FBXL20: variants seen among roughly 807,000 people sequenced by gnomAD.
FBXL20 encodes F-box and leucine rich repeat protein 20.
In FBXL20, 11 loss-of-function variants were observed where a neutral mutation model predicts 64.0. The observed-to-expected ratio is 0.17, with a 90% CI of 0.11 to 0.28. FBXL20 has a LOEUF of 0.28. Among genes scored for constraint, FBXL20 ranks in the 10% least tolerant of loss-of-function variants. FBXL20 has a pLI of 1.00. For synonymous variants in FBXL20, 184 were observed against 189.0 expected (o/e 0.97, Z 0.22); for missense variants, 303 against 526.2 (o/e 0.58, Z 4.15).
At chr17:39,390,460 C>T (rs2048123344) in intron 1 of FBXL20, among the ~76,000 whole-genome samples, 1 of 151,906 alleles carries the variant, frequency 6.6e-6, no homozygotes, top group Non-Finnish European at 1.5e-5. Context: ...ACTAGGGAGG[C>T]TGAGGCAGGA....
chr17:39,358,905 AGAC>A (rs1414496949), intron 1 of FBXL20, among the ~76,000 whole-genome samples: 1 of 152,238 alleles, frequency 6.6e-6, no homozygotes, highest in Non-Finnish European at 1.5e-5. Context: ...TTGAATATTC[AGAC>A]GTTTCACCAA....
chr17:39,299,037 T>C lies in FBXL20; in HGVS notation c.282A>G (p.Arg94=), dbSNP rs779043448. The change falls in exon 5 of 15, where the codon CGA becomes CGG. Residue 94 remains arginine (R), a synonymous_variant. Coordinates refer to ENST00000264658, the MANE Select transcript of FBXL20 (RefSeq NM_032875.3). ...CAAGACATCCACGAAGACTTAACTT[T>C]CGTAAAAAGCCCCCACATCGTTTTG... ...NISKRCGGFL[R]KLSLRGCLGV... The C allele has an allele frequency of 1.9e-6, 3 of 1,613,842 alleles. No homozygotes were observed. The highest frequency in any genetic ancestry group is 1.3e-5 in the African/African-American group (1 of 74,908).
chr17:39,349,706 G>A (rs921478133), intron 1 of FBXL20, among the ~76,000 whole-genome samples: 4 of 152,174 alleles, frequency 2.6e-5, no homozygotes, highest in African/African-American at 9.7e-5. Context: ...GGAGGCTGAG[G>A]CAGGCAGATC....
chr17:39,361,765 C>A (rs190410464), intron 1 of FBXL20, among the ~76,000 whole-genome samples: 1 of 151,600 alleles, frequency 6.6e-6, no homozygotes, highest in Non-Finnish European at 1.5e-5. Flanking sequence ...CCACTGCACT[C>A]CAGCCTTAGC....
chr17:39,370,166 T>A (rs1411698264), intron 1 of FBXL20, among the ~76,000 whole-genome samples: 1 of 150,888 alleles, frequency 6.6e-6, no homozygotes. Context: ...AATGTTTGCA[T>A]GTGTCCTTAA....
intron 2 of FBXL20, among the ~76,000 whole-genome samples, chr17:39,336,681 C>T (rs1382184236): frequency 6.6e-6 from 1 of 151,780 alleles, no homozygotes. Context: ...AAAATTAGCC[C>T]AGTGTGGTGG....
At chr17:39,390,299 G>A (rs1443849669) in intron 1 of FBXL20, among the ~76,000 whole-genome samples, 2 of 152,080 alleles carry the variant, frequency 1.3e-5, no homozygotes, top group African/African-American at 4.8e-5. Context: ...GCTCACACCT[G>A]TAATCAATCC....
At chr17:39,360,932 A>G (rs945148728) in intron 1 of FBXL20, among the ~76,000 whole-genome samples, 1 of 152,178 alleles carries the variant, frequency 6.6e-6, no homozygotes, top group Non-Finnish European at 1.5e-5. Context: ...TTAATACATG[A>G]CATGGGTCAT....
At chr17:39,286,034 G>A (rs2046985526) in intron 6 of FBXL20, among the ~76,000 whole-genome samples, 1 of 152,112 alleles carries the variant, frequency 6.6e-6, no homozygotes, top group African/African-American at 2.4e-5. Flanking sequence ...ATTTTTGCAA[G>A]GTATACAAAG....
At chr17:39,348,889 C>G (rs2047660374) in intron 1 of FBXL20, among the ~76,000 whole-genome samples, 1 of 152,048 alleles carries the variant, frequency 6.6e-6, no homozygotes, top group Non-Finnish European at 1.5e-5. Context: ...GAGATGGGGT[C>G]TCACTATGTT....
intron 2 of FBXL20, among the ~76,000 whole-genome samples, chr17:39,342,108 CCT>C (rs1285721735): frequency 6.6e-6 from 1 of 152,006 alleles, no homozygotes; most frequent in East Asian, 1.9e-4. Flanking sequence ...ATGTTATACC[CCT>C]GTCTGATCAT....
intron 2 of FBXL20, among the ~76,000 whole-genome samples, chr17:39,312,894 T>C (rs1460000074): frequency 6.8e-6 from 1 of 146,372 alleles, no homozygotes; most frequent in Non-Finnish European, 1.5e-5. Context: ...ATTTATTCCA[T>C]ATATTTGATA....
chr17:39,289,484 A>C (rs2047017945), intron 6 of FBXL20, among the ~76,000 whole-genome samples: 3 of 151,574 alleles, frequency 2.0e-5, no homozygotes, highest in South Asian at 4.2e-4. Context: ...TGGTGAAATT[A>C]TCTCTCTACC....
intron 2 of FBXL20, among the ~76,000 whole-genome samples, chr17:39,334,984 C>T (rs1042141503): frequency 5.9e-5 from 9 of 152,094 alleles, no homozygotes; most frequent in Admixed American, 3.9e-4. Context: ...TAAGAAAACC[C>T]AATTCCCCCT....
intron 1 of FBXL20, among the ~76,000 whole-genome samples, chr17:39,389,996 T>G (rs1784955444): frequency 6.6e-6 from 1 of 152,130 alleles, no homozygotes; most frequent in Non-Finnish European, 1.5e-5. Flanking sequence ...GGTGCCAGAT[T>G]TTCATCTTAG....
chr17:39,374,187 T>G (rs1352278951), intron 1 of FBXL20, among the ~76,000 whole-genome samples: 2 of 150,946 alleles, frequency 1.3e-5, no homozygotes, highest in Non-Finnish European at 2.9e-5. Flanking sequence ...ATCACGGCAC[T>G]GCACACTAGC....
chr17:39,377,990 C>A (rs867834038), intron 1 of FBXL20, among the ~76,000 whole-genome samples: 1 of 151,842 alleles, frequency 6.6e-6, no homozygotes, highest in Non-Finnish European at 1.5e-5. Context: ...CTAGCCTGGG[C>A]GACAGAGCAA....
At chr17:39,304,284 T>C (rs1214823549) in intron 2 of FBXL20, among the ~76,000 whole-genome samples, 1 of 152,050 alleles carries the variant, frequency 6.6e-6, no homozygotes, top group Non-Finnish European at 1.5e-5. Flanking sequence ...GGGAAGGATC[T>C]TTTTTTGTTT....
intron 1 of FBXL20, among the ~76,000 whole-genome samples, chr17:39,375,513 G>GT (rs1417096280): frequency 6.6e-6 from 1 of 152,146 alleles, no homozygotes. Flanking sequence ...GATGTACTGT[G>GT]TATTTCTAAG....
Sources: gnomAD v4.1 joint callset for allele counts (sites outside exome capture counted in the v4.1 genomes callset) on GRCh38, gnomAD v4.1.1 for gene constraint, MANE v1.5 for transcripts, NCBI Gene and HGNC (gene_info 2026-07-23, HGNC 2026-07-21) for gene names.